Variants in SLC35F3 observed in about 807,000 individuals in gnomAD.
SLC35F3 encodes putative thiamine transporter SLC35F3.
A neutral mutation model predicts 49.9 loss-of-function variants in SLC35F3; 25 were observed. The ratio of observed to expected loss-of-function variants is 0.50; its 90% confidence interval spans 0.37 to 0.70. The LOEUF (loss-of-function observed/expected upper bound fraction) is 0.70. Ranked by LOEUF, SLC35F3 falls within the 30% of genes least tolerant of loss-of-function variation. The pLI is 0.00. For missense variants in SLC35F3, 525 were observed against 639.8 expected (o/e 0.82, Z 1.94); for synonymous variants, 275 against 265.4 (o/e 1.04, Z -0.35).
intron 2 of SLC35F3, among the ~76,000 whole-genome samples, chr1:234,105,678 G>A (rs1403466474): frequency 3.9e-5 from 6 of 152,168 alleles, no homozygotes; most frequent in Admixed American, 2.0e-4. Context: ...TTTTCCAAAG[G>A]AAATGAAAGT....
At chr1:234,072,669 C>T (rs1664734953) in intron 2 of SLC35F3, among the ~76,000 whole-genome samples, 1 of 151,760 alleles carries the variant, frequency 6.6e-6, no homozygotes, top group Admixed American at 6.6e-5. Context: ...GTGTTCCAGG[C>T]AGAAAAGAAA....
In SLC35F3 at chr1:234,231,776, C is replaced by T; in HGVS notation, c.608+35C>T. The T allele has an allele frequency of 6.4e-7, 1 of 1,560,842 alleles. No individual in the cohort carries two copies. Among genetic ancestry groups the T allele is most frequent in the East Asian group, 2.3e-5 (1 of 44,362 alleles). On this transcript the variant is annotated intron_variant, in intron 3 of 7. Coordinates refer to ENST00000366618, the MANE Select transcript of SLC35F3 (RefSeq NM_173508.4). The surrounding 1 kb of genome is among the most constrained non-coding windows in gnomAD (Gnocchi z 5.4). ...TCCTGCATGAGGAGGCCTCCTGACC[C>T]CGGGCTGCTCCATCCAGCGCTGACT...
intron 2 of SLC35F3, among the ~76,000 whole-genome samples, chr1:234,102,039 C>T (rs1176807953): frequency 6.6e-6 from 1 of 152,174 alleles, no homozygotes; most frequent in Non-Finnish European, 1.5e-5. Flanking sequence ...CACAGGGCTG[C>T]CACAGCACAC....
chr1:234,100,306 G>A (rs1004154328), intron 2 of SLC35F3, among the ~76,000 whole-genome samples: 1 of 152,120 alleles, frequency 6.6e-6, no homozygotes, highest in Non-Finnish European at 1.5e-5. Flanking sequence ...AACGTCTGCC[G>A]AGAAACAGTC....
chr1:233,936,568 C>G (rs1662332758), intron 2 of SLC35F3, among the ~76,000 whole-genome samples: 1 of 151,230 alleles, frequency 6.6e-6, no homozygotes, highest in Non-Finnish European at 1.5e-5. Context: ...TTCTTCTTCT[C>G]CTCCTTCCTC....
chr1:234,244,556 C>T (rs1223991123), intron 3 of SLC35F3, among the ~76,000 whole-genome samples: 1 of 152,052 alleles, frequency 6.6e-6, no homozygotes, highest in African/African-American at 2.4e-5. Context: ...TAAACTAATC[C>T]TATTCAGAAA....
chr1:234,143,288 C>CTTTTCT lies in SLC35F3; in HGVS notation c.284-88125_284-88124insCTTTTT, dbSNP rs1478216426. On this transcript the variant is annotated intron_variant, in intron 2 of 7. Coordinates refer to ENST00000366618, the MANE Select transcript of SLC35F3 (RefSeq NM_173508.4). The stretch of plus-strand genomic sequence containing the variant: ...GAGTTTGACTCTTTTCTTTTCTTTT[C>CTTTTCT]TTTTTTTTTTTTTTTTTGAGATAAA... Among the ~76,000 whole-genome samples the CTTTTCT allele has an allele frequency of 8.3e-3, 1,027 of 123,514 alleles. 32 individuals are homozygous for CTTTTCT. Among genetic ancestry groups the CTTTTCT allele is most frequent in the African/African-American group, 0.034 (957 of 28,194 alleles). The allele number at this position is 123,514 out of a possible 152,430, so 81.0% of individuals were successfully genotyped here.
intron 2 of SLC35F3, among the ~76,000 whole-genome samples, chr1:234,143,076 G>A (rs1665941191): frequency 6.6e-6 from 1 of 152,028 alleles, no homozygotes; most frequent in African/African-American, 2.4e-5. Context: ...TGCTTTCTTA[G>A]AACCTGTTCG....
chr1:234,314,142 G>A (rs1454888477), intron 4 of SLC35F3, among the ~76,000 whole-genome samples: 1 of 152,166 alleles, frequency 6.6e-6, no homozygotes, highest in Non-Finnish European at 1.5e-5. Flanking sequence ...GAGGTGTGGA[G>A]GAGGAGATCA....
chr1:234,275,107 C>T (rs981380696), intron 3 of SLC35F3, among the ~76,000 whole-genome samples: 36 of 152,194 alleles, frequency 2.4e-4, no homozygotes, highest in Middle Eastern at 3.4e-3. Context: ...TTCTGAGCAC[C>T]GACAAGACCC....
chr1:234,170,886 T>A (rs1208529541), intron 2 of SLC35F3, among the ~76,000 whole-genome samples: 1 of 152,200 alleles, frequency 6.6e-6, no homozygotes, highest in East Asian at 1.9e-4. Flanking sequence ...CCCCTCAGGA[T>A]CTTGGCAAGC....
intron 2 of SLC35F3, among the ~76,000 whole-genome samples, chr1:234,156,513 C>T (rs997590115): frequency 1.3e-5 from 2 of 152,054 alleles, no homozygotes; most frequent in South Asian, 2.1e-4. Context: ...CTGATGGAAA[C>T]GGAAAACGGT....
intron 2 of SLC35F3, among the ~76,000 whole-genome samples, chr1:234,100,798 T>C (rs988048172): frequency 2.0e-5 from 3 of 152,040 alleles, no homozygotes; most frequent in African/African-American, 7.2e-5. Flanking sequence ...CATGCAGGAG[T>C]ATGCTTTTGC....
intron 2 of SLC35F3, among the ~76,000 whole-genome samples, chr1:234,056,878 T>C (rs72756124): frequency 7.9e-5 from 12 of 152,332 alleles, no homozygotes; most frequent in Non-Finnish European, 1.6e-4. Flanking sequence ...CTTTTTTGTG[T>C]GGATACCCAG....
rs112099038 is a variant in SLC35F3 at position 233,952,928 on chromosome 1, G to A, written c.283+47170G>A. On this transcript the variant is annotated intron_variant, in intron 2 of 7. Coordinates refer to ENST00000366618, the MANE Select transcript of SLC35F3 (RefSeq NM_173508.4). The stretch of plus-strand genomic sequence containing the variant: ...TTTGGGATGATTTCCAAAAAGATGA[G>A]GGAGAAAATATTGATTTTATTCCAC... 1.1e-4 allele frequency among the ~76,000 whole-genome samples: 16 copies of A among 152,234 alleles called. 1 individual carries two copies. Among genetic ancestry groups the A allele is most frequent in the African/African-American group, 3.6e-4 (15 of 41,536 alleles).
intron 3 of SLC35F3, among the ~76,000 whole-genome samples, chr1:234,296,689 C>T (rs893399537): frequency 3.9e-5 from 6 of 152,206 alleles, no homozygotes; most frequent in Admixed American, 2.0e-4. Context: ...GGCACACTCT[C>T]GGCACTTCTC....
intron 2 of SLC35F3, among the ~76,000 whole-genome samples, chr1:234,222,631 C>A (rs1005617913): frequency 1.3e-5 from 2 of 152,216 alleles, no homozygotes; most frequent in Admixed American, 1.3e-4. Flanking sequence ...GCATGTCCCT[C>A]TTCCTCAAGA....
intron 2 of SLC35F3, among the ~76,000 whole-genome samples, chr1:234,059,603 A>C (rs1664508142): frequency 2.7e-5 from 4 of 148,818 alleles, no homozygotes; most frequent in African/African-American, 9.7e-5. Flanking sequence ...AGAGCTAGAG[A>C]CATAGACATA....
intron 2 of SLC35F3, among the ~76,000 whole-genome samples, chr1:233,982,942 C>T (rs1403814105): frequency 6.6e-6 from 1 of 152,148 alleles, no homozygotes; most frequent in African/African-American, 2.4e-5. Flanking sequence ...GAGTTGGGAA[C>T]CCTGGAGCTG....
Sources: allele counts gnomAD v4.1 joint callset (sites outside exome capture counted in the v4.1 genomes callset), GRCh38; gene constraint gnomAD v4.1.1; non-coding constraint Gnocchi (gnomAD v3.1); transcripts MANE v1.5; gene names NCBI Gene and HGNC (gene_info 2026-07-23, HGNC 2026-07-21).